The following GDPD4 variants were observed in gnomAD, a reference collection of about 807,000 sequenced individuals.
GDPD4 encodes the protein glycerophosphodiester phosphodiesterase domain containing 4, also known as glycerophosphodiester phosphodiesterase 6.
In GDPD4, 60 loss-of-function variants were observed where a neutral mutation model predicts 67.8. The observed-to-expected ratio is 0.88, with a 90% CI of 0.72 to 1.10. GDPD4 has a LOEUF of 1.10. GDPD4 is among the 50% of genes least tolerant of loss of function. The pLI, the probability that GDPD4 is intolerant of heterozygous loss-of-function variation, is 0.00. For synonymous variants in GDPD4, 212 were observed against 210.9 expected (o/e 1.00, Z -0.04); for missense variants, 623 against 613.9 (o/e 1.01, Z -0.16).
intron 15 of GDPD4, among the ~76,000 whole-genome samples, chr11:77,228,499 C>CAA (rs58364800): frequency 0.026 from 704 of 26,626 alleles, 113 homozygotes; most frequent in African/African-American, 0.056. Flanking sequence ...GACTCCGTCT[C>CAA]AAAAAAAAAA....
chr11:77,250,878 T>C (rs1024830881), intron 11 of GDPD4, among the ~76,000 whole-genome samples: 1 of 152,242 alleles, frequency 6.6e-6, no homozygotes, highest in African/African-American at 2.4e-5. Flanking sequence ...ATCTTCTTGG[T>C]GAATTGATCA....
At chr11:77,256,683 G>A (rs1010175878) in intron 11 of GDPD4, among the ~76,000 whole-genome samples, 1 of 152,104 alleles carries the variant, frequency 6.6e-6, no homozygotes, top group Non-Finnish European at 1.5e-5. Context: ...CCTTAGTAAT[G>A]AGTGAATTCT....
chr11:77,244,471 A>G (rs957876004), intron 12 of GDPD4, among the ~76,000 whole-genome samples: 1 of 152,202 alleles, frequency 6.6e-6, no homozygotes, highest in African/African-American at 2.4e-5. Flanking sequence ...GACTCATACA[A>G]GCAAAGTAGA....
intron 11 of GDPD4, among the ~76,000 whole-genome samples, chr11:77,255,648 C>CA (rs1958989282): frequency 6.6e-6 from 1 of 151,950 alleles, no homozygotes; most frequent in African/African-American, 2.4e-5. Context: ...ATCACAAGGT[C>CA]AGGAGTTCAA....
At chr11:77,269,644 T>G (rs1259763819) in intron 8 of GDPD4, among the ~76,000 whole-genome samples, 2 of 152,140 alleles carry the variant, frequency 1.3e-5, no homozygotes, top group Non-Finnish European at 2.9e-5. Context: ...TATGACAGTG[T>G]TGACTCATAA....
At chr11:77,225,548 A>G (rs139190138) in intron 16 of GDPD4, among the ~76,000 whole-genome samples, 4 of 152,226 alleles carry the variant, frequency 2.6e-5, no homozygotes, top group Admixed American at 6.5e-5. Flanking sequence ...CCATAATCAA[A>G]CTACTAAAAA....
intron 1 of GDPD4, among the ~76,000 whole-genome samples, chr11:77,287,735 G>A (rs1333620290): frequency 2.6e-5 from 4 of 152,222 alleles, no homozygotes; most frequent in East Asian, 1.9e-4. Flanking sequence ...ATATGCAAAC[G>A]TGCTTCTCAA....
chr11:77,238,533 G>A (rs180733200), intron 13 of GDPD4, among the ~76,000 whole-genome samples: 290 of 147,788 alleles, frequency 2.0e-3, no homozygotes, highest in Non-Finnish European at 3.6e-3. Flanking sequence ...GCAGTGAACC[G>A]AGATCACACC....
chr11:77,229,278 AT>A, intron 14 of GDPD4, 46 bp from the exon 15 acceptor site: 1 of 1,178,166 alleles, frequency 8.5e-7, no homozygotes, highest in Non-Finnish European at 1.2e-6. Context: ...GTTAGAAGGG[AT>A]TTTGGATCAT....
intron 5 of GDPD4, among the ~76,000 whole-genome samples, chr11:77,273,890 G>A (rs1959331348): frequency 6.6e-6 from 1 of 152,230 alleles, no homozygotes; most frequent in South Asian, 2.1e-4. Flanking sequence ...TGAGGAAAGT[G>A]TCAGCATCCT....
intron 1 of GDPD4, among the ~76,000 whole-genome samples, chr11:77,297,171 G>A (rs956296714): frequency 6.6e-6 from 1 of 151,878 alleles, no homozygotes; most frequent in African/African-American, 2.4e-5. Context: ...AGAAGAGAAA[G>A]CAAATATTGG....
intron 1 of GDPD4, among the ~76,000 whole-genome samples, chr11:77,296,609 C>T (rs1397257063): frequency 1.3e-5 from 2 of 151,734 alleles, no homozygotes; most frequent in African/African-American, 2.4e-5. Flanking sequence ...GTGTGAGCTA[C>T]TGCACCCGGC....
chr11:77,234,891 G>C (rs1958521115), intron 13 of GDPD4, among the ~76,000 whole-genome samples: 1 of 151,676 alleles, frequency 6.6e-6, no homozygotes, highest in East Asian at 1.9e-4. Flanking sequence ...TCAAATGGTA[G>C]TTACATTTTT....
At chr11:77,226,598 G>T (rs989927860) in intron 16 of GDPD4, among the ~76,000 whole-genome samples, 1 of 152,162 alleles carries the variant, frequency 6.6e-6, no homozygotes, top group African/African-American at 2.4e-5. Flanking sequence ...AATTTCTGTT[G>T]TTCAAGCCAC....
intron 11 of GDPD4, among the ~76,000 whole-genome samples, chr11:77,251,350 C>T (rs1958894686): frequency 6.6e-6 from 1 of 151,904 alleles, no homozygotes; most frequent in Non-Finnish European, 1.5e-5. Flanking sequence ...TGGTGATTAT[C>T]ACCTTTTTGC....
chr11:77,264,644 TAGTA>T (rs765885676), intron 10 of GDPD4, among the ~76,000 whole-genome samples: 4 of 152,100 alleles, frequency 2.6e-5, no homozygotes, highest in Non-Finnish European at 5.9e-5. Context: ...CCTGATAACT[TAGTA>T]AGAGCTCTGA....
At chr11:77,262,235 T>G (rs986153988) in intron 10 of GDPD4, among the ~76,000 whole-genome samples, 1 of 152,160 alleles carries the variant, frequency 6.6e-6, no homozygotes, top group East Asian at 1.9e-4. Context: ...CTCAAGAACA[T>G]TTACAGGCTA....
chr11:77,248,356 TGAC>T (rs879670577), intron 11 of GDPD4, among the ~76,000 whole-genome samples: 70 of 150,310 alleles, frequency 4.7e-4, no homozygotes, highest in Non-Finnish European at 8.9e-4. Flanking sequence ...GCATGCACGA[TGAC>T]GCCCAGCTCA....
intron 14 of GDPD4, among the ~76,000 whole-genome samples, chr11:77,229,894 G>A (rs1023969939): frequency 2.6e-5 from 4 of 152,054 alleles, no homozygotes; most frequent in Non-Finnish European, 5.9e-5. Context: ...TGAGTTTGAT[G>A]CTCCCTTTCC....
Sources: gnomAD v4.1 joint callset for allele counts (sites outside exome capture counted in the v4.1 genomes callset) on GRCh38, gnomAD v4.1.1 for gene constraint, MANE v1.5 for transcripts, NCBI Gene and HGNC (gene_info 2026-07-23, HGNC 2026-07-21) for gene names.